The following SYNPR variants were observed in gnomAD, a reference collection of about 807,000 sequenced individuals.
The protein encoded by SYNPR is synaptoporin.
Under a neutral mutation model 32.9 loss-of-function variants are expected in SYNPR, and 23 were observed. The ratio of observed to expected loss-of-function variants is 0.70; its 90% CI spans 0.50 to 0.99. SYNPR has a LOEUF of 0.99. Ranked by LOEUF, SYNPR falls within the 50% of genes least tolerant of loss-of-function variation. The pLI is 0.00. For synonymous variants in SYNPR, 146 were observed against 135.9 expected (o/e 1.07, Z -0.52); for missense variants, 318 against 349.3 (o/e 0.91, Z 0.71).
At chr3:63,260,059 T>C (rs917377739) in intron 2 of SYNPR, among the ~76,000 whole-genome samples, 2 of 151,912 alleles carry the variant, frequency 1.3e-5, no homozygotes, top group African/African-American at 4.8e-5. Flanking sequence ...CACTGCTCAA[T>C]GAAATAAAAG....
intron 3 of SYNPR, among the ~76,000 whole-genome samples, chr3:63,504,908 G>T (rs959969761): frequency 6.6e-6 from 1 of 152,096 alleles, no homozygotes; most frequent in African/African-American, 2.4e-5. Context: ...GAGGGATGTA[G>T]GGGAAGTGAT....
intron 2 of SYNPR, among the ~76,000 whole-genome samples, chr3:63,345,185 G>A (rs535699276): frequency 2.8e-4 from 43 of 152,214 alleles, no homozygotes; most frequent in Admixed American, 4.6e-4. Flanking sequence ...TTTTAATCTC[G>A]TGACCTTTCA....
At chr3:63,218,994 T>C in the SYNPR span, among the ~76,000 whole-genome samples, 3 of 152,192 alleles carry the variant, frequency 2.0e-5, no homozygotes, top group African/African-American at 7.2e-5. Context: ...CTTACAGCAG[T>C]TCTTGCTTAG....
intron 2 of SYNPR, among the ~76,000 whole-genome samples, chr3:63,384,500 G>T (rs185969972): frequency 6.6e-6 from 1 of 152,152 alleles, no homozygotes; most frequent in Admixed American, 6.6e-5. Flanking sequence ...ATCTCAACCG[G>T]TCAGTCTCAG....
At chr3:63,378,288 A>G (rs746601256) in intron 2 of SYNPR, among the ~76,000 whole-genome samples, 15 of 152,032 alleles carry the variant, frequency 9.9e-5, no homozygotes, top group Admixed American at 2.0e-4. Context: ...GTAAATACAC[A>G]GAAAAATAGA....
At chr3:63,210,517 G>A in the SYNPR span, among the ~76,000 whole-genome samples, 3 of 152,168 alleles carry the variant, frequency 2.0e-5, no homozygotes, top group South Asian at 4.1e-4. Flanking sequence ...AAGTTGATTT[G>A]GTTGGTTGGT....
rs1559510654 is a variant in SYNPR, at chr3:63,476,290, G to C, written c.85-4542G>C. 4.8e-3 allele frequency among the ~76,000 whole-genome samples: 191 copies of C among 39,652 alleles called. 14 individuals carry two copies. Among genetic ancestry groups the C allele is most frequent in the Middle Eastern group, 0.015 (1 of 68 alleles). The allele number at this position is 39,652 out of a possible 152,430, so 26.0% of individuals were successfully genotyped here. A position where few individuals can be genotyped will look rare whatever the true frequency, so the allele number is the denominator to read the frequency against. On this transcript the variant is annotated intron_variant, in intron 2 of 5. Coordinates refer to ENST00000478300, the MANE Select transcript of SYNPR (RefSeq NM_001130003.2). The stretch of plus-strand genomic sequence containing the variant: ...AAGGAAGGGAGGGAGGGAAGGAAGG[G>C]AAGGGAGGGAAGGAAGGGAAGGGAG...
intron 3 of SYNPR, among the ~76,000 whole-genome samples, chr3:63,268,888 C>T (rs2086512046): frequency 6.6e-6 from 1 of 152,156 alleles, no homozygotes; most frequent in African/African-American, 2.4e-5. Flanking sequence ...TATCTTTTGA[C>T]ATTTTTGCAC....
chr3:63,295,543 G>T (rs968464489), intron 2 of SYNPR, among the ~76,000 whole-genome samples: 4 of 152,144 alleles, frequency 2.6e-5, no homozygotes, highest in Non-Finnish European at 5.9e-5. Context: ...ACTTGGCAGG[G>T]CAAAATCAAC....
intron 2 of SYNPR, among the ~76,000 whole-genome samples, chr3:63,282,018 C>A (rs2086634991): frequency 6.6e-6 from 1 of 152,052 alleles, no homozygotes; most frequent in African/African-American, 2.4e-5. Context: ...CTGTGCAATT[C>A]TGGAACATAT....
intron 3 of SYNPR, among the ~76,000 whole-genome samples, chr3:63,553,501 T>C (rs1267790971): frequency 6.6e-6 from 1 of 152,198 alleles, no homozygotes; most frequent in African/African-American, 2.4e-5. Context: ...TTTAAGTTAT[T>C]TGAGAAATCT....
chr3:63,313,083 C>T (rs938889069), intron 2 of SYNPR, among the ~76,000 whole-genome samples: 3 of 151,992 alleles, frequency 2.0e-5, no homozygotes, highest in African/African-American at 7.2e-5. Context: ...CTATTTCAAT[C>T]ACTCATCTAA....
chr3:63,269,841 C>T (rs1334250788), intron 3 of SYNPR, among the ~76,000 whole-genome samples: 3 of 152,138 alleles, frequency 2.0e-5, no homozygotes, highest in African/African-American at 7.2e-5. Context: ...ATAAGTAGTC[C>T]ATATTTTCTA....
intron 2 of SYNPR, chr3:63,443,469 G>A (rs775445129): frequency 6.8e-6 from 11 of 1,606,524 alleles, no homozygotes; most frequent in Non-Finnish European, 7.7e-6. Flanking sequence ...TATTTGCTCC[G>A]GTAAGTTTAC....
the SYNPR span, among the ~76,000 whole-genome samples, chr3:63,210,187 T>C: frequency 6.6e-6 from 1 of 152,232 alleles, no homozygotes; most frequent in Non-Finnish European, 1.5e-5. Context: ...AGAATAATTC[T>C]TTACTTATAT....
intron 3 of SYNPR, among the ~76,000 whole-genome samples, chr3:63,483,412 C>A (rs544070181): frequency 6.6e-6 from 1 of 152,026 alleles, no homozygotes; most frequent in Admixed American, 6.6e-5. Flanking sequence ...AATTTATGCA[C>A]CTATATGTAT....
At chr3:63,292,821 T>C (rs1237173121) in intron 2 of SYNPR, among the ~76,000 whole-genome samples, 1 of 152,216 alleles carries the variant, frequency 6.6e-6, no homozygotes, top group Non-Finnish European at 1.5e-5. Flanking sequence ...ATATGTTCTT[T>C]GTACTAAAGG....
At chr3:63,402,152 C>G (rs973787891) in intron 2 of SYNPR, among the ~76,000 whole-genome samples, 1 of 152,150 alleles carries the variant, frequency 6.6e-6, no homozygotes, top group African/African-American at 2.4e-5. Context: ...AAGACACTTT[C>G]TAGATCAGCC....
upstream of SYNPR, among the ~76,000 whole-genome samples, chr3:63,227,961 C>T (rs1192170965): frequency 6.6e-6 from 1 of 152,142 alleles, no homozygotes; most frequent in African/African-American, 2.4e-5. Context: ...CCAGCAGCAT[C>T]TGCCACAGGC....
Sources: gnomAD v4.1 joint callset for allele counts (sites outside exome capture counted in the v4.1 genomes callset) on GRCh38, gnomAD v4.1.1 for gene constraint, MANE v1.5 for transcripts, NCBI Gene and HGNC (gene_info 2026-07-23, HGNC 2026-07-21) for gene names.